Variants in KLHL29 observed in about 807,000 individuals in gnomAD.
KLHL29 encodes kelch-like protein 29.
Under a neutral mutation model 80.4 loss-of-function variants are expected in KLHL29, and 21 were observed. That is an observed-to-expected ratio of 0.26 (90% CI 0.19 to 0.38). The LOEUF (loss-of-function observed/expected upper bound fraction) is 0.38, where lower values mean the gene tolerates loss of function less well. Ranked by LOEUF, KLHL29 falls within the 10% of genes least tolerant of loss-of-function variation. The pLI is 1.00. For missense variants in KLHL29, 867 were observed against 1,223.9 expected (o/e 0.71, Z 4.35); for synonymous variants, 511 against 526.8 (o/e 0.97, Z 0.41).
intron 1 of KLHL29, among the ~76,000 whole-genome samples, chr2:23,432,843 A>C (rs1483310283): frequency 6.6e-6 from 1 of 152,186 alleles, no homozygotes; most frequent in African/African-American, 2.4e-5. Flanking sequence ...GAGCCAGGTC[A>C]CTCAGGTTTC....
intron 5 of KLHL29, among the ~76,000 whole-genome samples, chr2:23,656,622 C>T (rs1257914156): frequency 6.6e-6 from 1 of 152,210 alleles, no homozygotes; most frequent in Non-Finnish European, 1.5e-5. Context: ...AGAAGTTCTT[C>T]CAGACTGCAC....
chr2:23,477,469 G>A (rs914020448), intron 2 of KLHL29, among the ~76,000 whole-genome samples: 12 of 152,252 alleles, frequency 7.9e-5, no homozygotes, highest in African/African-American at 2.9e-4. Flanking sequence ...TCTGGGCTGG[G>A]CCAGGATCAG....
At chr2:23,644,008 C>G (rs1209855340) in intron 5 of KLHL29, 1 of 152,222 alleles carries the variant, frequency 6.6e-6, no homozygotes, top group Non-Finnish European at 1.5e-5. Context: ...TCTCCCAAGT[C>G]TCTTCCTTTG....
intron 2 of KLHL29, among the ~76,000 whole-genome samples, chr2:23,533,091 A>G (rs908778336): frequency 5.3e-5 from 8 of 152,130 alleles, no homozygotes; most frequent in Non-Finnish European, 1.2e-4. Flanking sequence ...CCTGTGTGAG[A>G]GCGTCTCTCA....
intron 3 of KLHL29, among the ~76,000 whole-genome samples, chr2:23,595,259 C>T (rs145273808): frequency 5.9e-4 from 90 of 152,220 alleles, no homozygotes; most frequent in African/African-American, 2.0e-3. Flanking sequence ...TTTCCTGCAA[C>T]GTCATTTGCC....
At chr2:23,525,194 A>C (rs1366384787) in intron 2 of KLHL29, among the ~76,000 whole-genome samples, 1 of 152,168 alleles carries the variant, frequency 6.6e-6, no homozygotes, top group Non-Finnish European at 1.5e-5. Context: ...AAAGCCAGAG[A>C]AGACTTGAGG....
chr2:23,685,588 G>A (rs143206543), intron 6 of KLHL29: 1 of 152,310 alleles, frequency 6.6e-6, no homozygotes, highest in African/African-American at 2.4e-5. Flanking sequence ...CTTTCACATA[G>A]AGCCCAGCTG....
chr2:23,681,181 C>G lies in KLHL29; in HGVS notation c.941-3218C>G, dbSNP rs1218088904. Among the ~76,000 whole-genome samples the G allele has an allele frequency of 1.3e-5, 2 of 152,236 alleles. No individual in the cohort carries two copies. Among genetic ancestry groups the G allele is most frequent in the East Asian group, 3.9e-4 (2 of 5,190 alleles). On this transcript the variant is annotated intron_variant, in intron 5 of 13. Transcript: ENST00000486442. This position sits in a 1 kb window ranked among gnomAD's most constrained non-coding sequence, Gnocchi z 4.2. Reference sequence around the variant, plus strand: ...GGCAGTGGGCAGCAGCCCGCACACACCAGCCAATCGATACTAGGAATGCAC... The same window carrying G: ...GGCAGTGGGCAGCAGCCCGCACACAGCAGCCAATCGATACTAGGAATGCAC...
intron 1 of KLHL29, among the ~76,000 whole-genome samples, chr2:23,419,479 A>G (rs1193062128): frequency 6.6e-6 from 1 of 152,036 alleles, no homozygotes; most frequent in Non-Finnish European, 1.5e-5. Context: ...ACTCACGTAC[A>G]CATGTGACTT....
At position 23,706,881 on chromosome 2, in the gene KLHL29, A is replaced by G; in HGVS notation, c.*217A>G. The stretch of plus-strand genomic sequence containing the variant: ...CGCGCTTGGAGCCGCAGGAACCACG[A>G]TCCCGCCATGGGGCTGGCTGCCTCC... On this transcript the variant is annotated 3_prime_UTR_variant, in exon 14 of 14. Transcript: ENST00000486442. 2.1e-6 allele frequency: 1 copy of G among 471,508 alleles called. No individual in the cohort carries two copies. The highest frequency in any genetic ancestry group is 3.7e-6 in the Non-Finnish European group (1 of 270,818). The allele number at this position is 471,508 out of a possible 1,614,324, so 29.2% of individuals were successfully genotyped here. A position where few individuals can be genotyped will look rare whatever the true frequency, so the allele number is the denominator to read the frequency against.
intron 1 of KLHL29, among the ~76,000 whole-genome samples, chr2:23,390,940 C>T (rs1666306038): frequency 6.6e-6 from 1 of 152,196 alleles, no homozygotes; most frequent in African/African-American, 2.4e-5. Flanking sequence ...AGGCATGAGC[C>T]ACCTTTACCA....
intron 3 of KLHL29, among the ~76,000 whole-genome samples, chr2:23,587,908 G>A (rs1473850505): frequency 6.6e-6 from 1 of 152,196 alleles, no homozygotes; most frequent in Non-Finnish European, 1.5e-5. Flanking sequence ...AGAGGCTAGG[G>A]AAGGAATGGC....
chr2:23,654,235 CTA>C (rs1670170332), intron 5 of KLHL29, among the ~76,000 whole-genome samples: 1 of 152,050 alleles, frequency 6.6e-6, no homozygotes, highest in Non-Finnish European at 1.5e-5. Context: ...ACCTAGTCAG[CTA>C]TGTTTCTCCA....
chr2:23,480,413 G>T (rs1664766200), intron 2 of KLHL29, among the ~76,000 whole-genome samples: 1 of 152,126 alleles, frequency 6.6e-6, no homozygotes, highest in African/African-American at 2.4e-5. Flanking sequence ...CTTGAAAGTG[G>T]GAGGTGGAGG....
At chr2:23,588,188 T>C (rs1210601005) in intron 3 of KLHL29, among the ~76,000 whole-genome samples, 1 of 152,170 alleles carries the variant, frequency 6.6e-6, no homozygotes, top group Non-Finnish European at 1.5e-5. Flanking sequence ...CTCCTCCTCC[T>C]GGCCTCCCTG....
At chr2:23,546,719 C>G (rs546892000) in intron 2 of KLHL29, among the ~76,000 whole-genome samples, 4 of 152,174 alleles carry the variant, frequency 2.6e-5, no homozygotes, top group Non-Finnish European at 5.9e-5. Context: ...GCTGCTACCC[C>G]AAGACTGGGG....
chr2:23,385,617 G>T lies in KLHL29; in HGVS notation c.-317G>T. ...AACGAGGGGAGAAGGCGGAGAGCAG[G>T]AACGCGAGGAGGAGGACCTGGATCC... is the stretch of plus-strand genomic sequence containing the variant. On this transcript the variant is annotated 5_prime_UTR_variant, in exon 1 of 14. Coordinates refer to ENST00000486442, the MANE Select transcript of KLHL29 (RefSeq NM_052920.2). 5.9e-6 allele frequency: 1 copy of T among 168,318 alleles called. No individual in the cohort carries two copies. Among genetic ancestry groups the T allele is most frequent in the South Asian group, 1.9e-4 (1 of 5,346 alleles). The allele number at this position is 168,318 out of a possible 1,614,324, so 10.4% of individuals were successfully genotyped here. A position where few individuals can be genotyped will look rare whatever the true frequency, so the allele number is the denominator to read the frequency against.
At position 23,418,380 on chromosome 2, in the gene KLHL29, C is replaced by T. The variant is rs569423032; in HGVS notation, c.-154+32600C>T. On this transcript the variant is annotated intron_variant, in intron 1 of 13. Transcript: ENST00000486442. ...TCCCTAGCTGGGTCTGGGGGCAGATCCTTCCTGACTCCCACCCCCGTCCAA... is the reference window on the plus strand; with the variant it reads ...TCCCTAGCTGGGTCTGGGGGCAGATTCTTCCTGACTCCCACCCCCGTCCAA... Among the ~76,000 whole-genome samples, 7 of 152,234 alleles carry T rather than the reference C, an allele frequency of 4.6e-5. No homozygotes were observed. The South Asian group carries it at 1.2e-3, about 27-fold the overall frequency.
chr2:23,669,804 A>C lies in KLHL29; in HGVS notation c.941-14595A>C, dbSNP rs1205926507. On this transcript the variant is annotated intron_variant, in intron 5 of 13. Transcript: ENST00000486442. The surrounding 1 kb of genome is among the most constrained non-coding windows in gnomAD (Gnocchi z 4.3). ...CCGAGTACACAGGCCTGGCCCCGCC[A>C]GCGCAGGACAGCAACTCTTGGGTAA... Among the ~76,000 whole-genome samples, 2 of 152,192 alleles carry C rather than the reference A, an allele frequency of 1.3e-5. No individual in the cohort carries two copies. Among genetic ancestry groups the C allele is most frequent in the African/African-American group, 4.8e-5 (2 of 41,440 alleles).
Sources: allele counts gnomAD v4.1 joint callset (sites outside exome capture counted in the v4.1 genomes callset), GRCh38; gene constraint gnomAD v4.1.1; non-coding constraint Gnocchi (gnomAD v3.1); transcripts MANE v1.5; gene names NCBI Gene and HGNC (gene_info 2026-07-23, HGNC 2026-07-21).